Variants in TOX2 observed in about 807,000 individuals in gnomAD.
TOX2 encodes the protein TOX high mobility group box family member 2, also known as granulosa cell HMG box 1.
Under a neutral mutation model 47.4 loss-of-function variants are expected in TOX2, and 15 were observed. The ratio of observed to expected loss-of-function variants is 0.32; its 90% CI spans 0.21 to 0.49. The LOEUF is 0.49. TOX2 is among the 20% of genes least tolerant of loss of function. The probability of loss-of-function intolerance (pLI) is 0.99; values close to 1 mark genes in which losing one functional copy is unlikely to be tolerated. For synonymous variants in TOX2, 290 were observed against 296.6 expected (o/e 0.98, Z 0.23); for missense variants, 622 against 673.1 (o/e 0.92, Z 0.84).
At chr20:43,960,385 C>T (rs1032052212) in intron 1 of TOX2, among the ~76,000 whole-genome samples, 3 of 152,168 alleles carry the variant, frequency 2.0e-5, no homozygotes, top group African/African-American at 4.8e-5. Flanking sequence ...CACTCACCCC[C>T]TGGGCATCCT....
intron 5 of TOX2, among the ~76,000 whole-genome samples, chr20:44,059,013 A>T (rs1265728083): frequency 2.0e-5 from 3 of 152,282 alleles, no homozygotes; most frequent in Non-Finnish European, 2.9e-5. Context: ...ACAGCAATGG[A>T]TCCAAACCAA....
chr20:44,001,798 AG>A (rs1204113093), intron 2 of TOX2, among the ~76,000 whole-genome samples: 1 of 152,196 alleles, frequency 6.6e-6, no homozygotes, highest in Non-Finnish European at 1.5e-5. Context: ...TATGCTGGGA[AG>A]GAGAGCTGTG....
At chr20:43,945,253 A>G (rs1027996588) in intron 1 of TOX2, among the ~76,000 whole-genome samples, 2 of 152,242 alleles carry the variant, frequency 1.3e-5, no homozygotes, top group Non-Finnish European at 2.9e-5. Flanking sequence ...TGCATGTTCA[A>G]ACACATACAT....
chr20:43,963,863 C>T (rs375602389), intron 1 of TOX2, among the ~76,000 whole-genome samples: 3 of 152,002 alleles, frequency 2.0e-5, no homozygotes, highest in Admixed American at 6.6e-5. Flanking sequence ...TGATTAAGAC[C>T]TCAGAGATTT....
chr20:44,040,920 G>A (rs2071322185), intron 3 of TOX2, among the ~76,000 whole-genome samples: 1 of 152,182 alleles, frequency 6.6e-6, no homozygotes, highest in Non-Finnish European at 1.5e-5. Flanking sequence ...TGGGAGAGGA[G>A]TGATATTGAT....
Position 43,928,256 on chromosome 20 carries a change from T to G in TOX2, c.99+13266T>G, listed in dbSNP as rs75784946. ...GTATACAAAATGTGATGAGCAATGCTTACTTGTTTATGAAATTAAATGAGG... is the reference window on the plus strand; with the variant it reads ...GTATACAAAATGTGATGAGCAATGCGTACTTGTTTATGAAATTAAATGAGG... On this transcript the variant is annotated intron_variant, in intron 1 of 8. Coordinates refer to ENST00000341197, the MANE Select transcript of TOX2 (RefSeq NM_001098797.2). Among the ~76,000 whole-genome samples, 13 of 152,374 alleles carry G rather than the reference T, an allele frequency of 8.5e-5. No homozygotes were observed. In the East Asian group the frequency reaches 2.5e-3, roughly 29 times the overall value.
At chr20:44,020,919 T>C (rs560307341) in intron 3 of TOX2, among the ~76,000 whole-genome samples, 16 of 152,304 alleles carry the variant, frequency 1.1e-4, no homozygotes, top group Non-Finnish European at 2.2e-4. Context: ...CCGACACCTC[T>C]GCCTGTGGTT....
intron 1 of TOX2, among the ~76,000 whole-genome samples, chr20:43,929,989 T>G (rs1263894427): frequency 6.6e-6 from 1 of 152,218 alleles, no homozygotes; most frequent in Non-Finnish European, 1.5e-5. Flanking sequence ...ATTACAGACG[T>G]GAGCCAATGC....
At chr20:44,019,321 G>A (rs2070941886) in intron 3 of TOX2, among the ~76,000 whole-genome samples, 1 of 152,220 alleles carries the variant, frequency 6.6e-6, no homozygotes, top group Admixed American at 6.5e-5. Context: ...AAGGGAAGGT[G>A]GCTTGTCCAA....
Position 44,068,971 on chromosome 20 carries a change from C to T in TOX2, c.*285C>T, listed in dbSNP as rs41283268. 15,739 of 569,442 alleles carry T rather than the reference C, an allele frequency of 0.028. 265 individuals carry two copies. The highest frequency in any genetic ancestry group is 0.035 in the Non-Finnish European group (10,470 of 297,790). The allele number at this position is 569,442 out of a possible 1,614,324, so 35.3% of individuals were successfully genotyped here. A position where few individuals can be genotyped will look rare whatever the true frequency, so the allele number is the denominator to read the frequency against. On this transcript the variant is annotated 3_prime_UTR_variant, in exon 9 of 9. Coordinates refer to ENST00000341197, the MANE Select transcript of TOX2 (RefSeq NM_001098797.2). ...CTGTCCTCGCCCTGCGCACGGTACC[C>T]TATGTCTGGACACCCGGCCCCAGCT...
intron 3 of TOX2, among the ~76,000 whole-genome samples, chr20:44,029,988 T>C (rs1295425194): frequency 1.3e-5 from 2 of 152,072 alleles, no homozygotes; most frequent in African/African-American, 4.8e-5. Context: ...GGCCACCCTT[T>C]TGCACCCTCC....
Position 44,059,736 on chromosome 20 carries a change from C to A in TOX2, c.880-5041C>A, listed in dbSNP as rs376579552. ...ATTTGCCACTGCCAAGCCAGCACTG[C>A]AAGAACTACTAAAAGGAGCTCAATC... is the stretch of plus-strand genomic sequence containing the variant. On this transcript the variant is annotated intron_variant, in intron 5 of 8. Transcript: ENST00000341197. Among the ~76,000 whole-genome samples, 11 of 152,202 alleles carry A rather than the reference C, an allele frequency of 7.2e-5. No individual in the cohort carries two copies. The South Asian group carries it at 1.0e-3, about 14-fold the overall frequency.
intron 1 of TOX2, among the ~76,000 whole-genome samples, chr20:43,924,430 A>T (rs2069143253): frequency 1.3e-5 from 2 of 151,278 alleles, no homozygotes; most frequent in South Asian, 4.1e-4. Context: ...GCTGTCACAT[A>T]TCTTCCTGTG....
chr20:43,986,260 T>G (rs916203928), intron 2 of TOX2, among the ~76,000 whole-genome samples: 1 of 150,572 alleles, frequency 6.6e-6, no homozygotes, highest in African/African-American at 2.4e-5. Flanking sequence ...TTTTAAAATG[T>G]ATGTATGTAT....
chr20:43,965,982 TA>T (rs2069845073), intron 1 of TOX2, among the ~76,000 whole-genome samples: 2 of 152,110 alleles, frequency 1.3e-5, no homozygotes, highest in African/African-American at 4.8e-5. Flanking sequence ...TGGGGGCTGA[TA>T]AGGGGATAGG....
At chr20:43,990,912 A>G (rs1600714509) in intron 2 of TOX2, among the ~76,000 whole-genome samples, 1 of 152,282 alleles carries the variant, frequency 6.6e-6, no homozygotes, top group East Asian at 1.9e-4. Context: ...GAAAGAAAAA[A>G]AAAGCTGCAA....
chr20:43,974,257 C>A (rs1471960661), intron 2 of TOX2, among the ~76,000 whole-genome samples: 1 of 151,674 alleles, frequency 6.6e-6, no homozygotes, highest in Non-Finnish European at 1.5e-5. Context: ...AATGTCATCC[C>A]TACAGAAAGT....
At chr20:44,046,749 T>C (rs2145735811) in intron 3 of TOX2, among the ~76,000 whole-genome samples, 1 of 152,328 alleles carries the variant, frequency 6.6e-6, no homozygotes, top group African/African-American at 2.4e-5. Flanking sequence ...TGAATAGACA[T>C]ATGGAGAAAT....
chr20:43,986,633 G>T (rs1272656374), intron 2 of TOX2, among the ~76,000 whole-genome samples: 2 of 152,130 alleles, frequency 1.3e-5, no homozygotes, highest in Non-Finnish European at 2.9e-5. Flanking sequence ...ATATGTAAAA[G>T]ACTAAGTTGA....
Sources: gnomAD v4.1 joint callset for allele counts (sites outside exome capture counted in the v4.1 genomes callset) on GRCh38, gnomAD v4.1.1 for gene constraint, MANE v1.5 for transcripts, NCBI Gene and HGNC (gene_info 2026-07-23, HGNC 2026-07-21) for gene names.